CREB3L2: variants seen among roughly 807,000 people sequenced by gnomAD.
The protein encoded by CREB3L2 is cyclic AMP-responsive element-binding protein 3-like protein 2.
In CREB3L2, 23 loss-of-function variants were observed where a neutral mutation model predicts 57.2. The observed-to-expected ratio is 0.40, with a 90% CI of 0.29 to 0.57. CREB3L2 has a LOEUF of 0.57. CREB3L2 is among the 20% of genes least tolerant of loss of function. CREB3L2 has a pLI of 0.42. For missense variants in CREB3L2, 628 were observed against 634.7 expected (o/e 0.99, Z 0.11); for synonymous variants, 268 against 265.1 (o/e 1.01, Z -0.11).
At chr7:138,000,799 C>G (rs957700684) in intron 1 of CREB3L2, among the ~76,000 whole-genome samples, 2 of 151,964 alleles carry the variant, frequency 1.3e-5, no homozygotes, top group African/African-American at 4.8e-5. Flanking sequence ...ATTTTGCAAA[C>G]TTAATACCAA....
At position 137,879,310 on chromosome 7, in the gene CREB3L2, T is replaced by G. The variant is rs955011251; in HGVS notation, c.*1166A>C. On this transcript the variant is annotated 3_prime_UTR_variant, in exon 12 of 12. Coordinates refer to ENST00000330387, the MANE Select transcript of CREB3L2 (RefSeq NM_194071.4). ...CCTACCCCACCCTGCTTTGTTGAGGTAGGGGACGAGGAGGACAAAGTGGAA... is the reference window on the plus strand; with the variant it reads ...CCTACCCCACCCTGCTTTGTTGAGGGAGGGGACGAGGAGGACAAAGTGGAA... The G allele has an allele frequency of 3.8e-6, 2 of 524,976 alleles. No homozygotes were observed. The highest frequency in any genetic ancestry group is 3.8e-5 in the African/African-American group (2 of 52,926). The allele number at this position is 524,976 out of a possible 1,614,324, so 32.5% of individuals were successfully genotyped here. A position where few individuals can be genotyped will look rare whatever the true frequency, so the allele number is the denominator to read the frequency against.
rs768137895 is a variant in CREB3L2, at chr7:137,905,846, T to C, written c.771A>G (p.Lys257=). The change falls in exon 6 of 12, where the codon AAA becomes AAG. Residue 257 remains lysine (K), a splice_region_variant and synonymous_variant. Transcript: ENST00000330387. Reference sequence around the variant, plus strand: ...GGACCAGAGGGCCTGATCCCTGCAGTTTCTGTGCAGACCAAGGAGCAGAAA... The same window carrying C: ...GGACCAGAGGGCCTGATCCCTGCAGCTTCTGTGCAGACCAAGGAGCAGAAA... ...SSSPLLTAPH[K]LQGSGPLVLT... is the part of the protein sequence containing the mutation. 1.9e-5 allele frequency: 30 copies of C among 1,608,476 alleles called. No individual in the cohort carries two copies. The South Asian group carries it at 3.1e-4, about 17-fold the overall frequency.
intron 7 of CREB3L2, 97 bp from the exon 8 acceptor site, chr7:137,901,519 T>C (rs907706496): frequency 1.1e-5 from 8 of 712,906 alleles, no homozygotes; most frequent in South Asian, 6.6e-5. Flanking sequence ...AAAAGGAGGG[T>C]TGGGGGGATC....
chr7:137,902,277 C>T, intron 7 of CREB3L2, among the ~76,000 whole-genome samples: 1 of 151,046 alleles, frequency 6.6e-6, no homozygotes, highest in South Asian at 2.1e-4. Context: ...AAATATGACC[C>T]TCTTTTAGGG....
chr7:137,985,090 G>A (rs973367970), intron 1 of CREB3L2, among the ~76,000 whole-genome samples: 3 of 152,192 alleles, frequency 2.0e-5, no homozygotes, highest in East Asian at 1.9e-4. Flanking sequence ...TTTGGGCACA[G>A]TTTTCAGTCA....
chr7:137,960,205 T>C (rs1025382860), intron 1 of CREB3L2, among the ~76,000 whole-genome samples: 1 of 152,228 alleles, frequency 6.6e-6, no homozygotes, highest in Non-Finnish European at 1.5e-5. Flanking sequence ...GCCAAGAACA[T>C]GTGGTTTGCA....
chr7:137,924,365 G>A (rs1301638883), intron 2 of CREB3L2, among the ~76,000 whole-genome samples: 1 of 152,162 alleles, frequency 6.6e-6, no homozygotes, highest in East Asian at 1.9e-4. Context: ...GGTTCTCTCT[G>A]AACAGCCCTC....
At chr7:137,901,063 T>C (rs964439150) in intron 8 of CREB3L2, among the ~76,000 whole-genome samples, 2 of 152,228 alleles carry the variant, frequency 1.3e-5, no homozygotes, top group Non-Finnish European at 2.9e-5. Context: ...AATATGCATG[T>C]ATGTGTACAT....
chr7:137,885,389 G>A lies in CREB3L2; in HGVS notation c.1143+14C>T. 6.8e-6 allele frequency: 11 copies of A among 1,609,208 alleles called. No homozygotes were observed. Among genetic ancestry groups the A allele is most frequent in the Non-Finnish European group, 9.4e-6 (11 of 1,175,928 alleles). ...CCAGGGGCGGTCACTGTGCTACCCT[G>A]CTGGGAAGCTCACCATGAGGCAGGT... On this transcript the variant is annotated intron_variant, in intron 9 of 11. Transcript: ENST00000330387.
At position 137,880,514 on chromosome 7, in the gene CREB3L2, CT is replaced by C; in HGVS notation, c.1524del (p.Val509LeufsTer2). The C allele has an allele frequency of 1.2e-6, 2 of 1,614,010 alleles. No homozygotes were observed. The highest frequency in any genetic ancestry group is 1.7e-6 in the Non-Finnish European group (2 of 1,179,952). ...TTCACTCTTCTGTCGAGTTCTACAA[CT>C]TTTAGTGTTTCATTCCCCTCCAGTT... is the stretch of plus-strand genomic sequence containing the variant. The part of the protein sequence containing the change: ...SAKLEGNETL[K>X]VVELDRRVNT... On this transcript the variant is annotated frameshift_variant, in exon 12 of 12. Coordinates refer to ENST00000330387, the MANE Select transcript of CREB3L2 (RefSeq NM_194071.4). LOFTEE classifies it high-confidence loss of function. The surrounding 1 kb of genome is among the most constrained non-coding windows in gnomAD (Gnocchi z 4.0).
At chr7:137,969,340 CTTTTTTTTTTTT>C (rs71177936) in intron 1 of CREB3L2, among the ~76,000 whole-genome samples, 8 of 77,070 alleles carry the variant, frequency 1.0e-4, no homozygotes, top group Admixed American at 3.3e-4. Context: ...TTATGATCTT[CTTTTTTTTTTTT>C]TTTTTTTTTT....
intron 1 of CREB3L2, among the ~76,000 whole-genome samples, chr7:137,949,341 G>T (rs983671207): frequency 6.6e-6 from 1 of 152,178 alleles, no homozygotes; most frequent in Non-Finnish European, 1.5e-5. Flanking sequence ...CTGTGTCGTT[G>T]TAAGGTGTAA....
Position 138,001,490 on chromosome 7 carries a change from G to C in CREB3L2, c.102+114C>G. The C allele has an allele frequency of 1.4e-6, 1 of 717,994 alleles. No homozygotes were observed. The highest frequency in any genetic ancestry group is 1.8e-5 in the South Asian group (1 of 55,970). The allele number at this position is 717,994 out of a possible 1,614,324, so 44.5% of individuals were successfully genotyped here. A position where few individuals can be genotyped will look rare whatever the true frequency, so the allele number is the denominator to read the frequency against. ...ACCTCGCCCAGGACCTCTTGATTCT[G>C]ACCATGCCCTGCCCCAAACCCTGCC... On this transcript the variant is annotated intron_variant, in intron 1 of 11. Coordinates refer to ENST00000330387, the MANE Select transcript of CREB3L2 (RefSeq NM_194071.4). This position sits in a 1 kb window ranked among gnomAD's most constrained non-coding sequence, Gnocchi z 4.2.
At chr7:137,959,585 T>C (rs571660119) in intron 1 of CREB3L2, among the ~76,000 whole-genome samples, 82 of 152,326 alleles carry the variant, frequency 5.4e-4, no homozygotes, top group Non-Finnish European at 3.8e-4. Flanking sequence ...TGGTGATTTG[T>C]TATGTAGCAA....
At chr7:137,931,205 C>G (rs1800609222) in intron 1 of CREB3L2, among the ~76,000 whole-genome samples, 1 of 151,500 alleles carries the variant, frequency 6.6e-6, no homozygotes, top group Non-Finnish European at 1.5e-5. Context: ...GCACTCCAGC[C>G]CAGGTGATGG....
chr7:137,968,345 C>T (rs1405052417), intron 1 of CREB3L2, among the ~76,000 whole-genome samples: 4 of 152,090 alleles, frequency 2.6e-5, no homozygotes, highest in African/African-American at 9.7e-5. Context: ...TTTCTCCCAA[C>T]GCTATCCATC....
intron 4 of CREB3L2, among the ~76,000 whole-genome samples, chr7:137,909,317 T>A (rs749601372): frequency 6.6e-6 from 1 of 152,170 alleles, no homozygotes; most frequent in East Asian, 1.9e-4. Context: ...CACAACACCC[T>A]CTCTGCCAGG....
rs1801502506 is a variant in CREB3L2 at position 137,971,318 on chromosome 7, C to T, written c.102+30286G>A. On this transcript the variant is annotated intron_variant, in intron 1 of 11. Coordinates refer to ENST00000330387, the MANE Select transcript of CREB3L2 (RefSeq NM_194071.4). The stretch of plus-strand genomic sequence containing the variant: ...ACAAAAAATTAGCCGGGTGTGGTGG[C>T]GGGCGCCTGTAGTCCCAGCTACTCG... Among the ~76,000 whole-genome samples, 3 of 151,982 alleles carry T rather than the reference C, an allele frequency of 2.0e-5. 1 individual carries two copies. Among genetic ancestry groups the T allele is most frequent in the South Asian group, 4.1e-4 (2 of 4,820 alleles).
intron 8 of CREB3L2, among the ~76,000 whole-genome samples, chr7:137,888,229 G>A (rs909112657): frequency 6.6e-6 from 1 of 152,174 alleles, no homozygotes; most frequent in Non-Finnish European, 1.5e-5. Context: ...CTCCCAAAGT[G>A]CTGGAATTAC....
Sources: allele counts gnomAD v4.1 joint callset (sites outside exome capture counted in the v4.1 genomes callset), GRCh38; gene constraint gnomAD v4.1.1; non-coding constraint Gnocchi (gnomAD v3.1); transcripts MANE v1.5; gene names NCBI Gene and HGNC (gene_info 2026-07-23, HGNC 2026-07-21).